The following DYNLT3 variants were observed in gnomAD, a reference collection of about 807,000 sequenced individuals.
DYNLT3 encodes the protein dynein light chain Tctex-type 3, also known as protein 91/23.
A neutral mutation model predicts 11.0 loss-of-function variants in DYNLT3; 4 were observed. The observed-to-expected ratio is 0.36, with a 90% CI of 0.18 to 0.83. The LOEUF is 0.83. Among genes scored for constraint, DYNLT3 ranks in the 40% least tolerant of loss-of-function variants. The pLI is 0.47. For missense variants in DYNLT3, 91 were observed against 91.1 expected (o/e 1.00, Z 0.01); for synonymous variants, 37 against 31.2 (o/e 1.18, Z -0.61).
rs1316790657 is a variant in DYNLT3 at position 37,840,134 on chromosome X, A to C, written c.*441T>G. The C allele has an allele frequency of 8.9e-6, 1 of 112,121 alleles. No homozygotes were observed. Among genetic ancestry groups the C allele is most frequent in the Admixed American group, 9.5e-5 (1 of 10,534 alleles). 9.2% of individuals were successfully genotyped at this position (112,121 alleles called of 1,213,427 possible). On this transcript the variant is annotated 3_prime_UTR_variant, in exon 5 of 5. Coordinates refer to ENST00000378578, the MANE Select transcript of DYNLT3 (RefSeq NM_006520.3). ...AACTGAGGGGAAGAAAGTTTAAAAA[A>C]ACTTAAAAATGTTAGCTAATTCTCA... is the stretch of plus-strand genomic sequence containing the variant.
chrX:37,842,281 C>T (rs1930184703), intron 2 of DYNLT3, among the ~76,000 whole-genome samples: 1 of 111,791 alleles, frequency 8.9e-6, no homozygotes, highest in Non-Finnish European at 1.9e-5. Context: ...TTAAAAGGTG[C>T]TATCAATTGG....
rs1031965889 is a variant in DYNLT3, at chrX:37,847,261, G to A, written c.30+220C>T. ...CTGCCCCGACCCCACCGTCTGATCCGCGCGCTCCTGGCCACCCCTCCCACC... is the reference window on the plus strand; with the variant it reads ...CTGCCCCGACCCCACCGTCTGATCCACGCGCTCCTGGCCACCCCTCCCACC... On this transcript the variant is annotated intron_variant, in intron 1 of 4. Coordinates refer to ENST00000378578, the MANE Select transcript of DYNLT3 (RefSeq NM_006520.3). 3.3e-6 allele frequency: 3 copies of A among 916,610 alleles called. No homozygotes were observed. The African/African-American group carries it at 6.1e-5, about 19-fold the overall frequency. The allele number at this position is 916,610 out of a possible 1,213,427, so 75.5% of individuals were successfully genotyped here. A position where few individuals can be genotyped will look rare whatever the true frequency, so the allele number is the denominator to read the frequency against.
intron 4 of DYNLT3, 84 bp downstream of exon 4, chrX:37,840,944 G>T: frequency 1.0e-6 from 1 of 971,413 alleles, no homozygotes; most frequent in African/African-American, 1.9e-5. Context: ...AATTTAATCA[G>T]AATTAAATAA....
intron 1 of DYNLT3, chrX:37,846,960 G>T: frequency 1.8e-6 from 2 of 1,140,573 alleles, no homozygotes; most frequent in South Asian, 3.8e-5. Flanking sequence ...TGGGTTTCTG[G>T]TGAGGGTTGG....
intron 4 of DYNLT3, among the ~76,000 whole-genome samples, 172 bp downstream of exon 4, chrX:37,840,856 T>C (rs1930140996): frequency 1.8e-5 from 2 of 109,554 alleles, no homozygotes; most frequent in African/African-American, 6.6e-5. Context: ...TTCAACCTGT[T>C]AAGTTTTCAC....
intron 2 of DYNLT3, among the ~76,000 whole-genome samples, chrX:37,844,290 G>A (rs932628240): frequency 1.4e-4 from 14 of 103,277 alleles, no homozygotes; most frequent in Admixed American, 4.9e-4. Flanking sequence ...AAATCCAGTA[G>A]AACAGAAAAG....
At chrX:37,840,702 C>G in intron 4 of DYNLT3, 51 bp from the exon 5 acceptor site, 3 of 845,242 alleles carry the variant, frequency 3.5e-6, no homozygotes, top group Non-Finnish European at 5.0e-6. Context: ...TAAAAATTAT[C>G]AGAGAATATA....
chrX:37,840,092 C>T lies in DYNLT3; in HGVS notation c.*483G>A, dbSNP rs769819035. On this transcript the variant is annotated 3_prime_UTR_variant, in exon 5 of 5. Transcript: ENST00000378578. ...GAAAATTAAAAAAATTATTACTTTCCACTAAATATTAAGTACAACTGAGGG... is the reference window on the plus strand; with the variant it reads ...GAAAATTAAAAAAATTATTACTTTCTACTAAATATTAAGTACAACTGAGGG... 1 of 95,255 alleles carries T rather than the reference C, an allele frequency of 1.0e-5. No homozygotes were observed. Among genetic ancestry groups the T allele is most frequent in the South Asian group, 4.5e-4 (1 of 2,232 alleles). 7.9% of individuals were successfully genotyped at this position (95,255 alleles called of 1,213,427 possible).
Position 37,840,576 on chromosome X carries a change from TA to T in DYNLT3, c.349del (p.Ter117AsnfsTer2), listed in dbSNP as rs1419284286. 1 of 1,199,552 alleles carries T rather than the reference TA, an allele frequency of 8.3e-7. No homozygotes were observed. Among genetic ancestry groups the T allele is most frequent in the Non-Finnish European group, 1.1e-6 (1 of 889,413 alleles). ...CTTTAGCCCAACATTTTTAGTCAGT[TA>T]AAGAACAATAGCAATGGCAAAAACG... ...VNVFAIAIVL[*>X] On this transcript the variant is annotated frameshift_variant and stop_lost, in exon 5 of 5. Coordinates refer to ENST00000378578, the MANE Select transcript of DYNLT3 (RefSeq NM_006520.3). LOFTEE classifies it high-confidence loss of function.
chrX:37,839,421 TTTAATC>T lies in DYNLT3; in HGVS notation c.*1148_*1153del, dbSNP rs1930099761. ...GATAACGTGCTAAGGATTGTATACTTTTAATCTATACTTTATTCCACTCAATTTGAA... is the reference window on the plus strand; with the variant it reads ...GATAACGTGCTAAGGATTGTATACTTTATACTTTATTCCACTCAATTTGAA... On this transcript the variant is annotated 3_prime_UTR_variant, in exon 5 of 5. Coordinates refer to ENST00000378578, the MANE Select transcript of DYNLT3 (RefSeq NM_006520.3). 1 of 112,361 alleles carries T rather than the reference TTTAATC, an allele frequency of 8.9e-6. No individual in the cohort carries two copies. The highest frequency in any genetic ancestry group is 3.2e-5 in the African/African-American group (1 of 30,858). 9.3% of individuals were successfully genotyped at this position (112,361 alleles called of 1,213,427 possible).
At chrX:37,844,503 G>T (rs185738156) in intron 2 of DYNLT3, among the ~76,000 whole-genome samples, 116 of 112,256 alleles carry the variant, frequency 1.0e-3, no homozygotes, top group African/African-American at 3.1e-3. Context: ...TGAAAATTTG[G>T]TTCCCTCAGA....
intron 2 of DYNLT3, among the ~76,000 whole-genome samples, chrX:37,844,808 C>G (rs1930236767): frequency 8.9e-6 from 1 of 111,989 alleles, no homozygotes; most frequent in African/African-American, 3.2e-5. Context: ...ATGAAAGGCA[C>G]CAGCCTGAAC....
chrX:37,847,373 C>T, intron 1 of DYNLT3, 108 bp downstream of exon 1: 1 of 984,505 alleles, frequency 1.0e-6, no homozygotes, highest in African/African-American at 2.0e-5. Context: ...TCGGAGGACG[C>T]CGCACCCCAA....
At chrX:37,847,247 C>G (rs1277223312) in intron 1 of DYNLT3, 1 of 953,392 alleles carries the variant, frequency 1.0e-6, no homozygotes, top group Non-Finnish European at 1.4e-6. Flanking sequence ...TGCCCCGACC[C>G]CACCGTCTGA....
In DYNLT3 at chrX:37,839,392, C is replaced by A. The variant is rs182032028; in HGVS notation, c.*1183G>T. On this transcript the variant is annotated 3_prime_UTR_variant, in exon 5 of 5. Coordinates refer to ENST00000378578, the MANE Select transcript of DYNLT3 (RefSeq NM_006520.3). ...TAAATTTAATTACATTTCATAAGCC[C>A]TGAGATAACGTGCTAAGGATTGTAT... 13 of 111,885 alleles carry A rather than the reference C, an allele frequency of 1.2e-4. No individual in the cohort carries two copies. Among genetic ancestry groups the A allele is most frequent in the African/African-American group, 4.2e-4 (13 of 30,781 alleles). The allele number at this position is 111,885 out of a possible 1,213,427, so 9.2% of individuals were successfully genotyped here. A position where few individuals can be genotyped will look rare whatever the true frequency, so the allele number is the denominator to read the frequency against.
rs976416854 is a variant in DYNLT3 at position 37,847,472 on chromosome X, G to A, written c.30+9C>T. On this transcript the variant is annotated intron_variant, in intron 1 of 4. Transcript: ENST00000378578. Reference sequence around the variant, plus strand: ...TGGGGGGCGCTCCCAGGTAGCCAAGGGGCGGTACCTCGTCGCAGTGGCGAT... The same window carrying A: ...TGGGGGGCGCTCCCAGGTAGCCAAGAGGCGGTACCTCGTCGCAGTGGCGAT... 1 of 1,003,262 alleles carries A rather than the reference G, an allele frequency of 1.0e-6. No homozygotes were observed. Among genetic ancestry groups the A allele is most frequent in the Middle Eastern group, 3.0e-4 (1 of 3,375 alleles). The allele number at this position is 1,003,262 out of a possible 1,213,427, so 82.7% of individuals were successfully genotyped here.
chrX:37,840,486 G>T lies in DYNLT3; in HGVS notation c.*89C>A. On this transcript the variant is annotated 3_prime_UTR_variant, in exon 5 of 5. Coordinates refer to ENST00000378578, the MANE Select transcript of DYNLT3 (RefSeq NM_006520.3). Reference sequence around the variant, plus strand: ...AAGCATATTGCACGCTTTTCATCTAGCACACTAGTAAACAACTATTACTCT... The same window carrying T: ...AAGCATATTGCACGCTTTTCATCTATCACACTAGTAAACAACTATTACTCT... 1 of 812,527 alleles carries T rather than the reference G, an allele frequency of 1.2e-6. No homozygotes were observed. Among genetic ancestry groups the T allele is most frequent in the East Asian group, 3.7e-5 (1 of 27,373 alleles). 67.0% of individuals were successfully genotyped at this position (812,527 alleles called of 1,213,427 possible). A position where few individuals can be genotyped will look rare whatever the true frequency, so the allele number is the denominator to read the frequency against.
chrX:37,846,377 G>C lies in DYNLT3; in HGVS notation c.31-19C>G. 1 of 1,201,352 alleles carries C rather than the reference G, an allele frequency of 8.3e-7. No individual in the cohort carries two copies. The highest frequency in any genetic ancestry group is 1.1e-6 in the Non-Finnish European group (1 of 889,083). ...AGCCAACCTAAAGGGAAAACAAAAG[G>C]TAAAGCTGCTTTCAACACAGGCTTA... On this transcript the variant is annotated intron_variant, in intron 1 of 4. Transcript: ENST00000378578.
Position 37,847,471 on chromosome X carries a change from G to A in DYNLT3, c.30+10C>T. 1.0e-6 allele frequency: 1 copy of A among 1,004,212 alleles called. No homozygotes were observed. The highest frequency in any genetic ancestry group is 1.3e-6 in the Non-Finnish European group (1 of 791,282). The allele number at this position is 1,004,212 out of a possible 1,213,427, so 82.8% of individuals were successfully genotyped here. A position where few individuals can be genotyped will look rare whatever the true frequency, so the allele number is the denominator to read the frequency against. On this transcript the variant is annotated intron_variant, in intron 1 of 4. Transcript: ENST00000378578. ...GTGGGGGGCGCTCCCAGGTAGCCAA[G>A]GGGCGGTACCTCGTCGCAGTGGCGA...
Sources: gnomAD v4.1 joint callset for allele counts (sites outside exome capture counted in the v4.1 genomes callset) on GRCh38, gnomAD v4.1.1 for gene constraint, MANE v1.5 for transcripts, NCBI Gene and HGNC (gene_info 2026-07-23, HGNC 2026-07-21) for gene names.